The following PSD3 variants were observed in gnomAD, a reference collection of about 807,000 sequenced individuals.
The protein encoded by PSD3 is pleckstrin and Sec7 domain containing 3, also known as PH and SEC7 domain-containing protein 3.
PSD3 carries 49 observed loss-of-function variants against 105.5 expected under a neutral mutation model. That is an observed-to-expected ratio of 0.46 (90% CI 0.37 to 0.59). The LOEUF is 0.59. PSD3 is among the 20% of genes least tolerant of loss of function. PSD3 has a pLI of 0.00. For synonymous variants in PSD3, 557 were observed against 457.8 expected (o/e 1.22, Z -2.77); for missense variants, 1,561 against 1,263.8 (o/e 1.24, Z -3.57).
intron 9 of PSD3, among the ~76,000 whole-genome samples, chr8:18,683,317 C>T (rs979856300): frequency 2.6e-5 from 4 of 152,168 alleles, no homozygotes; most frequent in African/African-American, 9.7e-5. Flanking sequence ...CATACTTGTA[C>T]ATCAGCTCCA....
intron 11 of PSD3, among the ~76,000 whole-genome samples, chr8:18,602,612 TC>T (rs1185440148): frequency 6.6e-6 from 1 of 152,074 alleles, no homozygotes; most frequent in Non-Finnish European, 1.5e-5. Context: ...CACTTATTAA[TC>T]CATTTAACTC....
At chr8:18,791,803 G>A (rs1020371270) in intron 8 of PSD3, among the ~76,000 whole-genome samples, 6 of 152,178 alleles carry the variant, frequency 3.9e-5, no homozygotes, top group Non-Finnish European at 7.3e-5. Flanking sequence ...TACAGAATGC[G>A]AGAAAAATTT....
intron 9 of PSD3, among the ~76,000 whole-genome samples, chr8:18,679,664 G>A (rs1800272052): frequency 6.6e-6 from 1 of 152,162 alleles, no homozygotes; most frequent in African/African-American, 2.4e-5. Flanking sequence ...GGGAGGTGAA[G>A]TAACTTGTCT....
At chr8:18,744,395 T>G (rs1804817951) in intron 9 of PSD3, among the ~76,000 whole-genome samples, 1 of 152,204 alleles carries the variant, frequency 6.6e-6, no homozygotes, top group Non-Finnish European at 1.5e-5. Context: ...TCTCTTCACT[T>G]TGCCATCCAT....
chr8:18,911,560 T>C (rs1379634854), intron 2 of PSD3, among the ~76,000 whole-genome samples: 2 of 152,136 alleles, frequency 1.3e-5, no homozygotes, highest in Admixed American at 6.6e-5. Flanking sequence ...TATCAGAAGA[T>C]CTGTCTGAGG....
chr8:19,041,118 G>A (rs1466309591), intron 1 of PSD3, among the ~76,000 whole-genome samples: 3 of 151,872 alleles, frequency 2.0e-5, no homozygotes, highest in Non-Finnish European at 2.9e-5. Flanking sequence ...GCTGGTCTCC[G>A]ACTCCTGGGC....
intron 9 of PSD3, among the ~76,000 whole-genome samples, chr8:18,682,894 C>A (rs1337420968): frequency 2.0e-5 from 3 of 151,954 alleles, no homozygotes; most frequent in Non-Finnish European, 4.4e-5. Context: ...CACTGAGATC[C>A]ACCTCCTGAC....
At chr8:18,755,749 T>C (rs1221240030) in intron 9 of PSD3, among the ~76,000 whole-genome samples, 1 of 148,032 alleles carries the variant, frequency 6.8e-6, no homozygotes. Flanking sequence ...AGACTTCTTT[T>C]TGGTAATTTT....
chr8:18,634,598 T>C (rs1462354057), intron 10 of PSD3, among the ~76,000 whole-genome samples: 1 of 152,160 alleles, frequency 6.6e-6, no homozygotes, highest in Admixed American at 6.6e-5. Context: ...CGTCTTCCAG[T>C]CTGTAACAGT....
At chr8:19,077,175 C>A (rs1428943721) in intron 1 of PSD3, among the ~76,000 whole-genome samples, 1 of 152,152 alleles carries the variant, frequency 6.6e-6, no homozygotes, top group Non-Finnish European at 1.5e-5. Flanking sequence ...TTCATTGATA[C>A]TGCATCATAC....
chr8:19,001,658 A>G (rs1246386371), intron 1 of PSD3: 1 of 152,140 alleles, frequency 6.6e-6, no homozygotes, highest in African/African-American at 2.4e-5. Context: ...GGAATCAAGC[A>G]CATGGAAAAA....
chr8:18,836,561 GAATATATACATTTGTC>G, intron 4 of PSD3, among the ~76,000 whole-genome samples: 1 of 152,212 alleles, frequency 6.6e-6, no homozygotes, highest in South Asian at 2.1e-4. Flanking sequence ...TGTTTTCAGT[GAATATATACATTTGTC>G]CCGCCATATC....
intron 2 of PSD3, among the ~76,000 whole-genome samples, chr8:18,875,035 C>T (rs577025497): frequency 1.0e-3 from 154 of 152,272 alleles, no homozygotes; most frequent in Middle Eastern, 3.4e-3. Context: ...CTCACTCCAG[C>T]CTCTCGGGTA....
intron 11 of PSD3, among the ~76,000 whole-genome samples, chr8:18,611,012 A>T (rs1250166793): frequency 1.3e-5 from 2 of 152,196 alleles, no homozygotes; most frequent in African/African-American, 4.8e-5. Context: ...ACATAAGATT[A>T]TTAGGACACA....
intron 1 of PSD3, among the ~76,000 whole-genome samples, chr8:19,052,143 C>T (rs1175111173): frequency 6.6e-6 from 1 of 152,160 alleles, no homozygotes; most frequent in Non-Finnish European, 1.5e-5. Context: ...TCCAGAAAAG[C>T]CACTGTGGTG....
chr8:18,612,508 G>A (rs1805339903), intron 11 of PSD3, among the ~76,000 whole-genome samples: 1 of 152,038 alleles, frequency 6.6e-6, no homozygotes, highest in Admixed American at 6.6e-5. Context: ...CAATAGCTGG[G>A]ACTACAGGCG....
chr8:18,965,190 T>C (rs567493976), intron 1 of PSD3, among the ~76,000 whole-genome samples: 1 of 152,228 alleles, frequency 6.6e-6, no homozygotes, highest in South Asian at 2.1e-4. Flanking sequence ...TTTTAAACTT[T>C]GCTGTTTTCT....
intron 9 of PSD3, among the ~76,000 whole-genome samples, chr8:18,710,807 G>C (rs1264302954): frequency 6.6e-6 from 1 of 152,016 alleles, no homozygotes; most frequent in Non-Finnish European, 1.5e-5. Context: ...TCAGCTTCCT[G>C]AGTAGCTGGG....
At chr8:18,779,733 T>A (rs1808430560) in intron 8 of PSD3, among the ~76,000 whole-genome samples, 1 of 152,182 alleles carries the variant, frequency 6.6e-6, no homozygotes, top group Admixed American at 6.5e-5. Context: ...CTTGTATTTG[T>A]ACAATTTCCA....
Sources: gnomAD v4.1 joint callset for allele counts (sites outside exome capture counted in the v4.1 genomes callset) on GRCh38, gnomAD v4.1.1 for gene constraint, MANE v1.5 for transcripts, NCBI Gene and HGNC (gene_info 2026-07-23, HGNC 2026-07-21) for gene names.